The following FNBP1L variants were observed in gnomAD, a reference collection of about 807,000 sequenced individuals.
FNBP1L encodes the protein formin-binding protein 1-like.
Under a neutral mutation model 91.2 loss-of-function variants are expected in FNBP1L, and 36 were observed. That is an observed-to-expected ratio of 0.39 (90% confidence interval 0.30 to 0.52). FNBP1L has a LOEUF of 0.52. Among genes scored for constraint, FNBP1L ranks in the 20% least tolerant of loss-of-function variants. The pLI is 0.66. For missense variants in FNBP1L, 571 were observed against 732.1 expected (o/e 0.78, Z 2.54); for synonymous variants, 242 against 237.0 (o/e 1.02, Z -0.19).
At chr1:93,492,257 C>A (rs998743292) in intron 1 of FNBP1L, among the ~76,000 whole-genome samples, 1 of 151,934 alleles carries the variant, frequency 6.6e-6, no homozygotes, top group African/African-American at 2.4e-5. Context: ...AAAATGAATT[C>A]TTTATGGGAA....
intron 1 of FNBP1L, 148 bp downstream of exon 1, chr1:93,448,453 G>A (rs1668346109): frequency 1.1e-6 from 1 of 875,616 alleles, no homozygotes; most frequent in Non-Finnish European, 1.7e-6. Flanking sequence ...TCGTCTTTGT[G>A]TGCAGACTCC....
chr1:93,488,393 C>G (rs894186247), intron 1 of FNBP1L: 2 of 152,146 alleles, frequency 1.3e-5, no homozygotes, highest in East Asian at 1.9e-4. Flanking sequence ...AGGCCTGACC[C>G]TGCTTAGCTT....
intron 2 of FNBP1L, among the ~76,000 whole-genome samples, chr1:93,519,952 A>G (rs535194328): frequency 3.7e-4 from 57 of 152,248 alleles, no homozygotes; most frequent in African/African-American, 1.2e-3. Context: ...TCTTGTCCCT[A>G]ACTTTATAAT....
At chr1:93,513,695 A>G (rs1370233837) in intron 2 of FNBP1L, among the ~76,000 whole-genome samples, 1 of 152,240 alleles carries the variant, frequency 6.6e-6, no homozygotes, top group Non-Finnish European at 1.5e-5. Flanking sequence ...TAGATGCAGA[A>G]AAGGCCTTTG....
chr1:93,548,523 A>C (rs1219706745), intron 14 of FNBP1L, among the ~76,000 whole-genome samples: 1 of 152,112 alleles, frequency 6.6e-6, no homozygotes, highest in Non-Finnish European at 1.5e-5. Flanking sequence ...GAATCTTTTA[A>C]TTTTCAGTGA....
intron 10 of FNBP1L, among the ~76,000 whole-genome samples, chr1:93,538,089 A>G (rs564309917): frequency 6.6e-6 from 1 of 152,196 alleles, no homozygotes; most frequent in African/African-American, 2.4e-5. Flanking sequence ...ATCCTATATA[A>G]TGAGTCTACC....
At chr1:93,448,663 C>G (rs1056472830) in intron 1 of FNBP1L, among the ~76,000 whole-genome samples, 2 of 152,176 alleles carry the variant, frequency 1.3e-5, no homozygotes, top group African/African-American at 4.8e-5. Context: ...GGCGGCTCCT[C>G]TCTTCCTTTG....
rs1671795482 is a variant in FNBP1L at position 93,534,895 on chromosome 1, G to C, written c.977G>C (p.Gly326Ala). Residue 326 changes from glycine to alanine, a missense_variant, in exon 9 of 17, where the codon GGA (glycine) becomes GCA (alanine). Around this residue, in one of 5 missense-constraint regions of FNBP1L, gnomAD observed 150 missense variants for 155.9 expected, o/e 0.96. Transcript: ENST00000271234. ...GKAKGKLWLF[G>A]KKPKPQSPPL... ...GCCAAGGGCAAATTGTGGCTCTTTG[G>C]AAAGAAGCCAAAGGTAAAAGTCATA... The C allele has an allele frequency of 4.5e-6, 7 of 1,567,670 alleles. No individual in the cohort carries two copies. The highest frequency in any genetic ancestry group is 6.1e-6 in the Non-Finnish European group (7 of 1,155,266).
At chr1:93,448,514 C>G (rs897841908) in intron 1 of FNBP1L, among the ~76,000 whole-genome samples, 1 of 152,212 alleles carries the variant, frequency 6.6e-6, no homozygotes, top group Non-Finnish European at 1.5e-5. Context: ...GTGCTCCCGC[C>G]TTTGCCGCCG....
chr1:93,541,206 C>A, intron 11 of FNBP1L, 150 bp downstream of exon 11: 2 of 675,940 alleles, frequency 3.0e-6, no homozygotes, highest in Non-Finnish European at 5.0e-6. Flanking sequence ...CAGCATATGC[C>A]AGTACTCTTG....
At chr1:93,456,423 G>C (rs1668662344) in intron 1 of FNBP1L, among the ~76,000 whole-genome samples, 1 of 151,968 alleles carries the variant, frequency 6.6e-6, no homozygotes, top group Non-Finnish European at 1.5e-5. Flanking sequence ...GTTGTTTTTA[G>C]GGAGTAAAGG....
At position 93,448,232 on chromosome 1, in the gene FNBP1L, C is replaced by A; in HGVS notation, c.-50C>A. On this transcript the variant is annotated 5_prime_UTR_variant, in exon 1 of 17. Coordinates refer to ENST00000271234, the MANE Select transcript of FNBP1L (RefSeq NM_001164473.3). ...GTGAGAGGTCGGACAGACTGTGGAG[C>A]CGACAGACTGAAGGACAGCGGCACC... 1 of 1,520,304 alleles carries A rather than the reference C, an allele frequency of 6.6e-7. No individual in the cohort carries two copies. The highest frequency in any genetic ancestry group is 8.8e-7 in the Non-Finnish European group (1 of 1,133,682). The allele number at this position is 1,520,304 out of a possible 1,614,324, so 94.2% of individuals were successfully genotyped here.
chr1:93,549,464 G>T, intron 15 of FNBP1L, 38 bp downstream of exon 15: 1 of 1,471,214 alleles, frequency 6.8e-7, no homozygotes, highest in South Asian at 1.5e-5. Context: ...TAAAAAAATT[G>T]GTTCTTTAAA....
At chr1:93,473,190 A>C (rs1274862619) in intron 1 of FNBP1L, among the ~76,000 whole-genome samples, 2 of 152,060 alleles carry the variant, frequency 1.3e-5, no homozygotes, top group African/African-American at 4.8e-5. Context: ...TTTAGATGGA[A>C]GTGTAAAGTA....
chr1:93,543,967 C>CTTT, intron 11 of FNBP1L, 140 bp from the exon 12 acceptor site: 3 of 460,062 alleles, frequency 6.5e-6, no homozygotes, highest in Non-Finnish European at 1.2e-5. Flanking sequence ...GTGTAGATTT[C>CTTT]TTTTTTTTTT....
intron 16 of FNBP1L, 112 bp from the exon 17 acceptor site, chr1:93,552,297 T>C: frequency 6.7e-7 from 1 of 1,485,850 alleles, no homozygotes. Context: ...TTTCGGTAGC[T>C]GACTATAAAA....
At chr1:93,545,851 T>TAA (rs34287128) in intron 12 of FNBP1L, among the ~76,000 whole-genome samples, 1 of 146,770 alleles carries the variant, frequency 6.8e-6, no homozygotes, top group Non-Finnish European at 1.5e-5. Context: ...GGAGGAAGCT[T>TAA]AAAAAAAAAA....
Position 93,552,535 on chromosome 1 carries a change from A to G in FNBP1L, c.*119A>G. 9.8e-7 allele frequency: 1 copy of G among 1,021,460 alleles called. No individual in the cohort carries two copies. The highest frequency in any genetic ancestry group is 1.4e-6 in the Non-Finnish European group (1 of 719,236). The allele number at this position is 1,021,460 out of a possible 1,614,324, so 63.3% of individuals were successfully genotyped here. ...TGAGAGAAGCAAGTTGCATGAGTGC[A>G]TGCAGACATGATTTTTTTTTTACTA... On this transcript the variant is annotated 3_prime_UTR_variant, in exon 17 of 17. Coordinates refer to ENST00000271234, the MANE Select transcript of FNBP1L (RefSeq NM_001164473.3).
At chr1:93,493,442 T>TA (rs576259467) in intron 1 of FNBP1L, among the ~76,000 whole-genome samples, 57 of 152,212 alleles carry the variant, frequency 3.7e-4, no homozygotes, top group Non-Finnish European at 7.5e-4. Context: ...AGTGCGTTGA[T>TA]ACTGTTGTAC....
Sources: gnomAD v4.1 joint callset for allele counts (sites outside exome capture counted in the v4.1 genomes callset) on GRCh38, gnomAD v4.1.1 for gene constraint, gnomAD v4.1.1 regional missense constraint, MANE v1.5 for transcripts, NCBI Gene and HGNC (gene_info 2026-07-23, HGNC 2026-07-21) for gene names.